MYRIP: variants seen among roughly 807,000 people sequenced by gnomAD.
MYRIP encodes the protein rab effector MyRIP.
Under a neutral mutation model 98.0 loss-of-function variants are expected in MYRIP, and 49 were observed. That is an observed-to-expected ratio of 0.50 (90% confidence interval 0.40 to 0.63). MYRIP has a LOEUF of 0.63. Among genes scored for constraint, MYRIP ranks in the 30% least tolerant of loss-of-function variants. The pLI is 0.00. For missense variants in MYRIP, 1,004 were observed against 1,058.2 expected (o/e 0.95, Z 0.71); for synonymous variants, 404 against 409.5 (o/e 0.99, Z 0.16).
chr3:40,111,351 G>A (rs139363897), intron 3 of MYRIP, among the ~76,000 whole-genome samples: 313 of 152,290 alleles, frequency 2.1e-3, no homozygotes, highest in African/African-American at 7.4e-3. Flanking sequence ...AATGGTGCTT[G>A]AAAACCGTTT....
chr3:40,059,862 A>G (rs775653829), intron 3 of MYRIP, among the ~76,000 whole-genome samples: 3 of 152,176 alleles, frequency 2.0e-5, no homozygotes, highest in Admixed American at 6.5e-5. Context: ...TGACAACTCC[A>G]AACCCACTAA....
At chr3:40,022,604 C>T (rs917013472) in intron 2 of MYRIP, among the ~76,000 whole-genome samples, 1 of 152,112 alleles carries the variant, frequency 6.6e-6, no homozygotes, top group African/African-American at 2.4e-5. Flanking sequence ...TCATTGAAGG[C>T]AGCTTGGAAT....
chr3:40,035,755 T>G (rs189947511), intron 2 of MYRIP, among the ~76,000 whole-genome samples: 179 of 151,906 alleles, frequency 1.2e-3, no homozygotes, highest in African/African-American at 4.1e-3. Flanking sequence ...ATAAAAGAAG[T>G]ATATTTAAAA....
intron 3 of MYRIP, among the ~76,000 whole-genome samples, chr3:40,147,453 A>C (rs2249311): frequency 1 from 151,835 of 152,264 alleles, 75,705 homozygotes; most frequent in Non-Finnish European, 1. Flanking sequence ...CCGTGTGATC[A>C]TTTTATACTT....
intron 1 of MYRIP, among the ~76,000 whole-genome samples, chr3:39,833,476 G>A (rs1316935974): frequency 6.6e-6 from 1 of 152,142 alleles, no homozygotes; most frequent in Non-Finnish European, 1.5e-5. Flanking sequence ...CAAAGAGATG[G>A]GATAGGAAAG....
At chr3:39,894,046 T>C (rs1260371987) in intron 1 of MYRIP, among the ~76,000 whole-genome samples, 1 of 152,212 alleles carries the variant, frequency 6.6e-6, no homozygotes, top group African/African-American at 2.4e-5. Context: ...AAAAATTGCA[T>C]CATACGAAAT....
chr3:40,003,101 ATATG>A (rs1674676241), intron 2 of MYRIP, among the ~76,000 whole-genome samples: 1 of 151,684 alleles, frequency 6.6e-6, no homozygotes, highest in African/African-American at 2.4e-5. Context: ...AGATATCTAT[ATATG>A]TATTTATGTC....
chr3:39,829,967 CA>C (rs1941392444), intron 1 of MYRIP, among the ~76,000 whole-genome samples: 1 of 152,150 alleles, frequency 6.6e-6, no homozygotes, highest in Non-Finnish European at 1.5e-5. Flanking sequence ...CACTCACTTC[CA>C]CAGTTGTAAC....
In MYRIP at chr3:40,197,373, C is replaced by T. The variant is rs538439290; in HGVS notation, c.1665+6910C>T. ...ACCAATGACCAGTACCAGTCCATGG[C>T]CCCTGAGTTGGGGACCCCCTGCTCT... On this transcript the variant is annotated intron_variant, in intron 10 of 16. Transcript: ENST00000302541. Among the ~76,000 whole-genome samples the T allele has an allele frequency of 2.0e-5, 3 of 152,244 alleles. No individual in the cohort carries two copies. In the South Asian group the frequency reaches 6.2e-4, roughly 32 times the overall value.
intron 3 of MYRIP, among the ~76,000 whole-genome samples, chr3:40,051,984 G>T (rs539381825): frequency 6.6e-6 from 1 of 152,200 alleles, no homozygotes; most frequent in East Asian, 1.9e-4. Flanking sequence ...TCAAATCAGG[G>T]TAACTGGAAT....
chr3:40,135,727 T>C (rs1949750540), intron 3 of MYRIP, among the ~76,000 whole-genome samples: 1 of 152,210 alleles, frequency 6.6e-6, no homozygotes, highest in African/African-American at 2.4e-5. Context: ...GAGACCAATA[T>C]TCAACATTCT....
chr3:39,998,769 T>A (rs1014566809), intron 2 of MYRIP, among the ~76,000 whole-genome samples: 1 of 152,160 alleles, frequency 6.6e-6, no homozygotes, highest in Non-Finnish European at 1.5e-5. Flanking sequence ...GCTACCTGAC[T>A]TCAAACTATA....
chr3:39,929,747 C>A (rs1453262023), intron 2 of MYRIP, among the ~76,000 whole-genome samples: 1 of 151,984 alleles, frequency 6.6e-6, no homozygotes, highest in Non-Finnish European at 1.5e-5. Context: ...TTCTCTCAAC[C>A]TCTAGCAATC....
chr3:40,109,727 T>C (rs1169875414), intron 3 of MYRIP, among the ~76,000 whole-genome samples: 1 of 152,226 alleles, frequency 6.6e-6, no homozygotes, highest in African/African-American at 2.4e-5. Flanking sequence ...ATCCCTAGCC[T>C]CTGTCCTCCA....
At chr3:40,125,789 C>T (rs1160949957) in intron 3 of MYRIP, among the ~76,000 whole-genome samples, 1 of 152,136 alleles carries the variant, frequency 6.6e-6, no homozygotes, top group Non-Finnish European at 1.5e-5. Context: ...TCTTCCTTCT[C>T]GCTATTTGTC....
intron 3 of MYRIP, among the ~76,000 whole-genome samples, chr3:40,146,354 C>G (rs965912041): frequency 1.3e-5 from 2 of 152,302 alleles, no homozygotes; most frequent in Admixed American, 6.5e-5. Flanking sequence ...ACAGCAAGAT[C>G]AAAGCCAGTG....
At chr3:40,049,640 A>G (rs996757563) in intron 3 of MYRIP, among the ~76,000 whole-genome samples, 1 of 152,122 alleles carries the variant, frequency 6.6e-6, no homozygotes, top group South Asian at 2.1e-4. Flanking sequence ...TTCAAAAAAA[A>G]AAAGGGAAAA....
intron 11 of MYRIP, among the ~76,000 whole-genome samples, chr3:40,213,900 C>T (rs538410927): frequency 2.6e-5 from 4 of 152,306 alleles, no homozygotes; most frequent in African/African-American, 7.2e-5. Flanking sequence ...TGCTTTGCTT[C>T]GGTTGGGATG....
At chr3:40,031,032 G>A (rs1026773100) in intron 2 of MYRIP, among the ~76,000 whole-genome samples, 5 of 152,044 alleles carry the variant, frequency 3.3e-5, no homozygotes, top group African/African-American at 1.2e-4. Context: ...TTCCTAGAGG[G>A]TATATCAGTC....
Sources: gnomAD v4.1 joint callset for allele counts (sites outside exome capture counted in the v4.1 genomes callset) on GRCh38, gnomAD v4.1.1 for gene constraint, MANE v1.5 for transcripts, NCBI Gene and HGNC (gene_info 2026-07-23, HGNC 2026-07-21) for gene names.